Variants in NBEA observed in about 807,000 individuals in gnomAD.
The protein encoded by NBEA is lysosomal-trafficking regulator 2.
Under a neutral mutation model 343.4 loss-of-function variants are expected in NBEA, and 44 were observed. The observed-to-expected ratio is 0.13, with a 90% CI of 0.10 to 0.16. The LOEUF (loss-of-function observed/expected upper bound fraction) is 0.16. Among genes scored for constraint, NBEA ranks in the 10% least tolerant of loss-of-function variants. The pLI is 1.00. For synonymous variants in NBEA, 1,175 were observed against 1,238.7 expected (o/e 0.95, Z 1.08); for missense variants, 2,555 against 3,631.3 (o/e 0.70, Z 7.62).
intron 1 of NBEA, among the ~76,000 whole-genome samples, chr13:34,974,587 C>T (rs1466004661): frequency 2.0e-5 from 3 of 152,072 alleles, no homozygotes; most frequent in African/African-American, 7.2e-5. Context: ...GGTAATGTTA[C>T]TGTAAGCAGA....
At chr13:35,054,357 G>C (rs953877106) in intron 6 of NBEA, among the ~76,000 whole-genome samples, 8 of 151,498 alleles carry the variant, frequency 5.3e-5, no homozygotes, top group Non-Finnish European at 1.0e-4. Context: ...GTTTTTTCTT[G>C]ATAATTTTGT....
Position 35,628,136 on chromosome 13 carries a change from T to C in NBEA, c.7505T>C (p.Phe2502Ser). The C allele has an allele frequency of 6.2e-7, 1 of 1,613,422 alleles. No individual in the cohort carries two copies. Among genetic ancestry groups the C allele is most frequent in the Non-Finnish European group, 8.5e-7 (1 of 1,179,630 alleles). Residue 2502 changes from phenylalanine (F) to serine (S), a missense_variant, in exon 49 of 59, where the codon TTT becomes TCT. By Grantham distance (155) the Phe-to-Ser change is radical. This residue lies in a region of NBEA where 11 missense variants were observed against 33.2 expected (regional missense o/e 0.33). Transcript: ENST00000379939. ...CQLHQWIDLI[F>S]GYKQRGPEAV... is the part of the protein sequence containing the mutation. ...CTTCATCAGTGGATCGACCTTATAT[T>C]TGGCTATAAGCAGCGAGGACCAGAA...
intron 41 of NBEA, among the ~76,000 whole-genome samples, chr13:35,534,777 T>C (rs1407634342): frequency 1.3e-5 from 2 of 152,198 alleles, no homozygotes; most frequent in East Asian, 3.9e-4. Flanking sequence ...TCACAATGTG[T>C]CCCATCACCT....
intron 30 of NBEA, among the ~76,000 whole-genome samples, chr13:35,190,333 T>C (rs1183806297): frequency 2.6e-5 from 4 of 152,158 alleles, no homozygotes; most frequent in Non-Finnish European, 5.9e-5. Flanking sequence ...TTCCCAGGGC[T>C]GTCCTCAGGC....
intron 39 of NBEA, among the ~76,000 whole-genome samples, chr13:35,438,586 A>G (rs1401724916): frequency 6.6e-6 from 1 of 152,098 alleles, no homozygotes; most frequent in Admixed American, 6.6e-5. Flanking sequence ...TTCATTGATA[A>G]CTCCATTTTA....
intron 34 of NBEA, 56 bp downstream of exon 34, chr13:35,232,675 G>A (rs2075038095): frequency 8.0e-6 from 10 of 1,249,370 alleles, no homozygotes; most frequent in Non-Finnish European, 1.1e-5. Flanking sequence ...TATTAATCAT[G>A]GCATAATTTG....
intron 13 of NBEA, among the ~76,000 whole-genome samples, chr13:35,115,243 A>G (rs2066436767): frequency 6.6e-6 from 1 of 152,146 alleles, no homozygotes; most frequent in South Asian, 2.1e-4. Context: ...ACTCATGCAT[A>G]CATATAGGTG....
At chr13:35,511,586 A>G (rs1435878654) in intron 41 of NBEA, among the ~76,000 whole-genome samples, 1 of 152,140 alleles carries the variant, frequency 6.6e-6, no homozygotes, top group African/African-American at 2.4e-5. Context: ...GTTGATTGCA[A>G]TGTATATTTT....
chr13:35,628,022 A>G, intron 48 of NBEA, 59 bp from the exon 49 acceptor site: 1 of 1,270,334 alleles, frequency 7.9e-7, no homozygotes, highest in Non-Finnish European at 1.1e-6. Context: ...AAAAAATAAA[A>G]GGATATGAAG....
chr13:35,474,925 A>G, intron 41 of NBEA: 1 of 1,109,806 alleles, frequency 9.0e-7, no homozygotes, highest in Non-Finnish European at 1.3e-6. Flanking sequence ...ATGTTTAAAT[A>G]TTGTATTATT....
At chr13:35,412,037 G>A (rs2043618814) in intron 38 of NBEA, among the ~76,000 whole-genome samples, 2 of 152,060 alleles carry the variant, frequency 1.3e-5, no homozygotes, top group South Asian at 4.1e-4. Context: ...CCTTCTTAGT[G>A]CCTTAAACTA....
chr13:35,377,417 A>C (rs1457802763), intron 38 of NBEA, among the ~76,000 whole-genome samples: 2 of 152,164 alleles, frequency 1.3e-5, no homozygotes, highest in Non-Finnish European at 2.9e-5. Context: ...TATCCTTTGG[A>C]GATTAGGGTC....
chr13:35,143,282 A>T (rs915526792), intron 18 of NBEA, among the ~76,000 whole-genome samples: 5 of 152,234 alleles, frequency 3.3e-5, no homozygotes, highest in African/African-American at 1.2e-4. Context: ...AATATTTGTT[A>T]TGCTCTCCTC....
chr13:35,545,025 T>A (rs575454624), intron 41 of NBEA, among the ~76,000 whole-genome samples: 1 of 152,284 alleles, frequency 6.6e-6, no homozygotes, highest in South Asian at 2.1e-4. Context: ...TGAAAGTACT[T>A]AAATGACAGA....
chr13:35,006,856 G>A (rs2061335663), intron 1 of NBEA, among the ~76,000 whole-genome samples: 1 of 152,144 alleles, frequency 6.6e-6, no homozygotes, highest in Admixed American at 6.5e-5. Context: ...GGATTCAAGG[G>A]ATTCTCCTGC....
chr13:35,370,976 C>T (rs892506653), intron 38 of NBEA, among the ~76,000 whole-genome samples: 1 of 151,916 alleles, frequency 6.6e-6, no homozygotes, highest in African/African-American at 2.4e-5. Flanking sequence ...CTGAGAAATC[C>T]CTTACTAGTC....
chr13:35,495,201 A>G (rs544591247), intron 41 of NBEA, among the ~76,000 whole-genome samples: 2 of 152,164 alleles, frequency 1.3e-5, no homozygotes, highest in South Asian at 2.1e-4. Flanking sequence ...AACAGCAACC[A>G]TAAAAGACCT....
At chr13:35,242,270 A>G (rs2030434460) in intron 34 of NBEA, among the ~76,000 whole-genome samples, 1 of 151,868 alleles carries the variant, frequency 6.6e-6, no homozygotes. Context: ...CAAAGGAATT[A>G]AAAAATTCAT....
intron 40 of NBEA, among the ~76,000 whole-genome samples, chr13:35,470,753 G>A (rs1419514894): frequency 2.0e-5 from 3 of 152,220 alleles, no homozygotes; most frequent in African/African-American, 7.2e-5. Flanking sequence ...GGAGGGCGCG[G>A]GAGGCAGGAG....
Sources: gnomAD v4.1 joint callset for allele counts (sites outside exome capture counted in the v4.1 genomes callset) on GRCh38, gnomAD v4.1.1 for gene constraint, gnomAD v4.1.1 regional missense constraint, MANE v1.5 for transcripts, NCBI Gene and HGNC (gene_info 2026-07-23, HGNC 2026-07-21) for gene names.